The following KCND2 variants were observed in gnomAD, a reference collection of about 807,000 sequenced individuals.
KCND2 encodes A-type voltage-gated potassium channel KCND2.
KCND2 carries 16 observed loss-of-function variants against 54.4 expected under a neutral mutation model. That is an observed-to-expected ratio of 0.29 (90% CI 0.20 to 0.45). The LOEUF is 0.45. Ranked by LOEUF, KCND2 falls within the 20% of genes least tolerant of loss-of-function variation. The pLI, the probability that KCND2 is intolerant of heterozygous loss-of-function variation, is 1.00. For synonymous variants in KCND2, 317 were observed against 310.7 expected, an observed-to-expected ratio of 1.02 and a Z score of -0.21; for missense variants, 486 against 824.2, an observed-to-expected ratio of 0.59 and a Z score of 5.02.
chr7:120,279,029 GA>G (rs1036437845), intron 1 of KCND2, among the ~76,000 whole-genome samples: 7 of 151,676 alleles, frequency 4.6e-5, no homozygotes, highest in African/African-American at 1.7e-4. Context: ...TGCCTTATTA[GA>G]AAAAGAACCT....
At chr7:120,696,071 C>T (rs1305705567) in intron 1 of KCND2, among the ~76,000 whole-genome samples, 1 of 152,150 alleles carries the variant, frequency 6.6e-6, no homozygotes, top group African/African-American at 2.4e-5. Flanking sequence ...CAGCCAGAAA[C>T]GTCATTATCC....
At chr7:120,592,203 A>G (rs1212105298) in intron 1 of KCND2, among the ~76,000 whole-genome samples, 2 of 152,202 alleles carry the variant, frequency 1.3e-5, no homozygotes, top group South Asian at 2.1e-4. Context: ...ACCATCCTGC[A>G]ATAGTAGAGA....
At position 120,398,050 on chromosome 7, in the gene KCND2, C is replaced by G. The variant is rs1236556692; in HGVS notation, c.1115+122303C>G. Among the ~76,000 whole-genome samples the G allele has an allele frequency of 3.4e-5, 4 of 119,294 alleles. No homozygotes were observed. The East Asian group carries it at 9.8e-4, about 29-fold the overall frequency. The allele number at this position is 119,294 out of a possible 152,430, so 78.3% of individuals were successfully genotyped here. ...ATATATATATATATTTGCTCTTTTT[C>G]CAGCCAAATATGTTTTAGTTAATTA... is the stretch of plus-strand genomic sequence containing the variant. On this transcript the variant is annotated intron_variant, in intron 1 of 5. Coordinates refer to ENST00000331113, the MANE Select transcript of KCND2 (RefSeq NM_012281.3).
intron 1 of KCND2, among the ~76,000 whole-genome samples, chr7:120,583,362 TAGTC>T (rs767507962): frequency 1.6e-4 from 24 of 152,320 alleles, no homozygotes; most frequent in East Asian, 3.9e-4. Context: ...GATATAATGT[TAGTC>T]AGTTTTTGAA....
intron 1 of KCND2, among the ~76,000 whole-genome samples, chr7:120,596,945 T>C (rs1792753586): frequency 6.6e-6 from 1 of 152,216 alleles, no homozygotes; most frequent in Non-Finnish European, 1.5e-5. Flanking sequence ...TATATCGATT[T>C]CACAGGAAAC....
In KCND2 at chr7:120,349,327, A is replaced by AACACACACACAC. The variant is rs145626165; in HGVS notation, c.1115+73592_1115+73603dup. ...ACACACAAACACACACACACACACAAACACACACACACACACACACACAGA... is the reference window on the plus strand; with the variant it reads ...ACACACAAACACACACACACACACAAACACACACACACACACACACACACACACACACACAGA... On this transcript the variant is annotated intron_variant, in intron 1 of 5. Transcript: ENST00000331113. Among the ~76,000 whole-genome samples the AACACACACACAC allele has an allele frequency of 2.8e-5, 4 of 144,542 alleles. No homozygotes were observed. The East Asian group carries it at 8.0e-4, about 29-fold the overall frequency. The allele number at this position is 144,542 out of a possible 152,430, so 94.8% of individuals were successfully genotyped here. A position where few individuals can be genotyped will look rare whatever the true frequency, so the allele number is the denominator to read the frequency against.
At chr7:120,464,533 A>C (rs1436015539) in intron 1 of KCND2, among the ~76,000 whole-genome samples, 3 of 152,190 alleles carry the variant, frequency 2.0e-5, no homozygotes, top group African/African-American at 7.2e-5. Flanking sequence ...GCAGCTTAAA[A>C]TCAACAATTA....
chr7:120,598,085 A>G (rs2116468626), intron 1 of KCND2, among the ~76,000 whole-genome samples: 1 of 152,226 alleles, frequency 6.6e-6, no homozygotes, highest in East Asian at 1.9e-4. Context: ...AACTAAAAAA[A>G]AAAACTAAAG....
chr7:120,655,288 A>C (rs748150788), intron 1 of KCND2, among the ~76,000 whole-genome samples: 3 of 152,124 alleles, frequency 2.0e-5, no homozygotes, highest in Non-Finnish European at 2.9e-5. Context: ...ATTTGATAGC[A>C]TAAATGAGGC....
At chr7:120,424,209 CATT>C (rs1801668381) in intron 1 of KCND2, among the ~76,000 whole-genome samples, 1 of 152,158 alleles carries the variant, frequency 6.6e-6, no homozygotes, top group African/African-American at 2.4e-5. Flanking sequence ...GAAATCAGAT[CATT>C]GACATTCAAG....
intron 1 of KCND2, among the ~76,000 whole-genome samples, chr7:120,528,287 C>T (rs550767371): frequency 1.3e-5 from 2 of 151,816 alleles, no homozygotes; most frequent in South Asian, 2.1e-4. Context: ...CTTAGCTGTG[C>T]GGAATGATTT....
chr7:120,434,431 A>G (rs1469957861), intron 1 of KCND2, among the ~76,000 whole-genome samples: 1 of 152,198 alleles, frequency 6.6e-6, no homozygotes, highest in African/African-American at 2.4e-5. Flanking sequence ...TTAGATACCT[A>G]GAGCAGCTTA....
chr7:120,375,546 G>A (rs58888465), intron 1 of KCND2, among the ~76,000 whole-genome samples: 4,366 of 151,882 alleles, frequency 0.029, 195 homozygotes, highest in African/African-American at 0.096. Context: ...ATCAAGGCTT[G>A]ATAACTGAAC....
intron 1 of KCND2, among the ~76,000 whole-genome samples, chr7:120,329,720 T>C (rs948109924): frequency 2.6e-5 from 4 of 152,176 alleles, no homozygotes; most frequent in African/African-American, 9.7e-5. Context: ...TAAAATTCTT[T>C]CAAACTACCC....
chr7:120,479,726 C>T (rs1025699167), intron 1 of KCND2, among the ~76,000 whole-genome samples: 10 of 138,688 alleles, frequency 7.2e-5, no homozygotes, highest in Non-Finnish European at 1.1e-4. Context: ...GCCGGGAGTT[C>T]AAGACCAGCC....
chr7:120,289,037 A>AACACACAC (rs763897007), intron 1 of KCND2, among the ~76,000 whole-genome samples: 1 of 62,160 alleles, frequency 1.6e-5, no homozygotes, highest in African/African-American at 3.5e-5. Context: ...CAGAGACACA[A>AACACACAC]ACACACACAC....
rs540393414 is a variant in KCND2, at chr7:120,748,954, C to T, written c.*1096C>T. On this transcript the variant is annotated 3_prime_UTR_variant, in exon 6 of 6. Transcript: ENST00000331113. The stretch of plus-strand genomic sequence containing the variant: ...AGTAGCTTGTCATCAATCCCCTTGT[C>T]GAAAACTAGAAAAAAAGGAGTTGAC... 1.3e-5 allele frequency: 2 copies of T among 151,816 alleles called. No homozygotes were observed. Among genetic ancestry groups the T allele is most frequent in the East Asian group, 3.9e-4 (2 of 5,168 alleles). The allele number at this position is 151,816 out of a possible 1,614,324, so 9.4% of individuals were successfully genotyped here. A position where few individuals can be genotyped will look rare whatever the true frequency, so the allele number is the denominator to read the frequency against.
At chr7:120,602,603 A>G (rs2116474778) in intron 1 of KCND2, among the ~76,000 whole-genome samples, 1 of 152,316 alleles carries the variant, frequency 6.6e-6, no homozygotes, top group East Asian at 1.9e-4. Context: ...TTTTCCTTAA[A>G]ATTATAGAGT....
At chr7:120,334,149 T>C (rs976082364) in intron 1 of KCND2, among the ~76,000 whole-genome samples, 27 of 152,216 alleles carry the variant, frequency 1.8e-4, no homozygotes, top group Middle Eastern at 3.4e-3. Flanking sequence ...TTAAAAAGGG[T>C]AACAGGGGTC....
Sources: gnomAD v4.1 joint callset for allele counts (sites outside exome capture counted in the v4.1 genomes callset) on GRCh38, gnomAD v4.1.1 for gene constraint, MANE v1.5 for transcripts, NCBI Gene and HGNC (gene_info 2026-07-23, HGNC 2026-07-21) for gene names.